FMNL2: variants seen among roughly 807,000 people sequenced by gnomAD.
FMNL2 encodes the protein formin like 2, also known as formin-like protein 2.
In FMNL2, 51 loss-of-function variants were observed where a neutral mutation model predicts 130.2. The ratio of observed to expected loss-of-function variants is 0.39; its 90% CI spans 0.31 to 0.49. The LOEUF (loss-of-function observed/expected upper bound fraction) is 0.49. Among genes scored for constraint, FMNL2 ranks in the 20% least tolerant of loss-of-function variants. The pLI is 0.85. For missense variants in FMNL2, 977 were observed against 1,316.2 expected, an observed-to-expected ratio of 0.74 and a Z score of 3.99; for synonymous variants, 465 against 467.1, an observed-to-expected ratio of 1.00 and a Z score of 0.06.
intron 1 of FMNL2, among the ~76,000 whole-genome samples, chr2:152,364,020 G>GTTTTA (rs1683341319): frequency 6.6e-6 from 1 of 152,148 alleles, no homozygotes; most frequent in Admixed American, 6.5e-5. Context: ...ACTGAGTTTT[G>GTTTTA]TTTTATTTGC....
At chr2:152,574,989 A>C (rs529672865) in intron 6 of FMNL2, 147 bp from the exon 7 acceptor site, 2 of 554,490 alleles carry the variant, frequency 3.6e-6, no homozygotes, top group African/African-American at 3.8e-5. Context: ...TTAGAGGTTG[A>C]AATCAATCTT....
intron 6 of FMNL2, among the ~76,000 whole-genome samples, chr2:152,564,691 C>T (rs528062449): frequency 6.6e-5 from 10 of 151,300 alleles, no homozygotes; most frequent in African/African-American, 2.4e-4. Context: ...TGAGATCATG[C>T]CACTGCACTC....
intron 1 of FMNL2, among the ~76,000 whole-genome samples, chr2:152,520,663 C>G (rs1693040458): frequency 6.6e-6 from 1 of 151,606 alleles, no homozygotes; most frequent in African/African-American, 2.4e-5. Context: ...GGATTAGACT[C>G]AAATAGGTGG....
chr2:152,400,252 C>T (rs926583954), intron 1 of FMNL2, among the ~76,000 whole-genome samples: 9 of 151,936 alleles, frequency 5.9e-5, no homozygotes, highest in African/African-American at 1.2e-4. Context: ...GCCAACATGG[C>T]GAAACTCCGT....
intron 21 of FMNL2, among the ~76,000 whole-genome samples, chr2:152,633,410 T>G (rs934979241): frequency 6.6e-6 from 1 of 152,188 alleles, no homozygotes; most frequent in Non-Finnish European, 1.5e-5. Flanking sequence ...TGTGCACTTC[T>G]TAAGGGTATA....
chr2:152,349,028 G>A (rs1399659677), intron 1 of FMNL2, among the ~76,000 whole-genome samples: 1 of 130,898 alleles, frequency 7.6e-6, no homozygotes, highest in East Asian at 2.0e-4. Context: ...GTAGAGACGG[G>A]GTTTCACCTT....
chr2:152,510,827 G>T lies in FMNL2; in HGVS notation c.118-11116G>T, dbSNP rs72864970. Among the ~76,000 whole-genome samples the T allele has an allele frequency of 2.7e-3, 412 of 152,304 alleles. 1 individual carries two copies. The highest frequency in any genetic ancestry group is 5.0e-3 in the Non-Finnish European group (337 of 68,028). On this transcript the variant is annotated intron_variant, in intron 1 of 25. Transcript: ENST00000288670. ...TTTCCTGCCTATCTTGGCTGGGCTT[G>T]TCTGGAGAGACACTGTGGGTTTCTG... is the stretch of plus-strand genomic sequence containing the variant.
Position 152,644,743 on chromosome 2 carries a change from A to G in FMNL2, c.3170-3053A>G, listed in dbSNP as rs574988352. ...AGGCTATTTCTTCTGTGATCAGATC[A>G]TATCTTGACCTGCTTCTTTGGTCAG... On this transcript the variant is annotated intron_variant, in intron 25 of 25. Transcript: ENST00000288670. 2.0e-5 allele frequency among the ~76,000 whole-genome samples: 3 copies of G among 152,314 alleles called. No individual in the cohort carries two copies. The East Asian group carries it at 5.8e-4, about 29-fold the overall frequency.
chr2:152,425,782 A>G (rs1687169910), intron 1 of FMNL2, among the ~76,000 whole-genome samples: 1 of 152,216 alleles, frequency 6.6e-6, no homozygotes, highest in Admixed American at 6.5e-5. Context: ...AATTGAAGTC[A>G]AGGTGTAATG....
rs1286725518 is a variant in FMNL2 at position 152,640,778 on chromosome 2, T to C, written c.3046-13T>C. The C allele has an allele frequency of 6.2e-7, 1 of 1,611,684 alleles. No individual in the cohort carries two copies. Among genetic ancestry groups the C allele is most frequent in the African/African-American group, 1.3e-5 (1 of 74,886 alleles). ...TGCTGGCCTCACTAATCTCTGCCCT[T>C]CTTTCTTCTCAGTCTCCTTCTCATA... On this transcript the variant is annotated splice_polypyrimidine_tract_variant and intron_variant, in intron 24 of 25. Coordinates refer to ENST00000288670, the MANE Select transcript of FMNL2 (RefSeq NM_052905.4).
At chr2:152,445,923 T>C (rs577974172) in intron 1 of FMNL2, among the ~76,000 whole-genome samples, 1 of 152,332 alleles carries the variant, frequency 6.6e-6, no homozygotes, top group Admixed American at 6.5e-5. Flanking sequence ...GCTTCTTTTT[T>C]CCAAAAACAT....
chr2:152,619,013 G>T lies in FMNL2; in HGVS notation c.1482G>T (p.Leu494=). ...AAGGGGATGGGGATATCGCCATACT[G>T]CCAGTTGTGGCTTCTGGCACATTGT... ...QKKGDGDIAI[L]PVVASGTLSM... Residue 494 remains leucine, a synonymous_variant, in exon 14 of 26, where the codon CTG becomes CTT. Coordinates refer to ENST00000288670, the MANE Select transcript of FMNL2 (RefSeq NM_052905.4). 6.2e-7 allele frequency: 1 copy of T among 1,614,058 alleles called. No homozygotes were observed. Among genetic ancestry groups the T allele is most frequent in the Non-Finnish European group, 8.5e-7 (1 of 1,179,900 alleles).
At chr2:152,445,995 T>C (rs549558738) in intron 1 of FMNL2, among the ~76,000 whole-genome samples, 75 of 152,204 alleles carry the variant, frequency 4.9e-4, no homozygotes, top group Admixed American at 2.4e-3. Context: ...GCTGAAACAT[T>C]GGACTACTGG....
At chr2:152,347,022 C>T (rs13029234) in intron 1 of FMNL2, among the ~76,000 whole-genome samples, 8,389 of 151,462 alleles carry the variant, frequency 0.055, 515 homozygotes, top group Admixed American at 0.2. Context: ...ACCTGGGAAG[C>T]GGAGGTTGCA....
rs1248934413 is a variant in FMNL2, at chr2:152,492,610, T to G, written c.118-29333T>G. ...GCGTGGAACCAGATTCTTCTTTTCC[T>G]TATCTTTCATAATTTTCCATGTTTG... On this transcript the variant is annotated intron_variant, in intron 1 of 25. Transcript: ENST00000288670. Among the ~76,000 whole-genome samples, 4 of 152,214 alleles carry G rather than the reference T, an allele frequency of 2.6e-5. No individual in the cohort carries two copies. The East Asian group carries it at 7.7e-4, about 29-fold the overall frequency.
chr2:152,590,004 T>C (rs113796271), intron 9 of FMNL2, among the ~76,000 whole-genome samples: 28 of 140,424 alleles, frequency 2.0e-4, no homozygotes, highest in South Asian at 4.4e-4. Flanking sequence ...TATGTATATA[T>C]ATATACATAT....
At chr2:152,347,663 A>T (rs548458174) in intron 1 of FMNL2, among the ~76,000 whole-genome samples, 1 of 152,296 alleles carries the variant, frequency 6.6e-6, no homozygotes, top group South Asian at 2.1e-4. Context: ...AGCTTTTGTT[A>T]TCTTTCTTGA....
In FMNL2 at chr2:152,489,555, A is replaced by G. The variant is rs568745865; in HGVS notation, c.118-32388A>G. Among the ~76,000 whole-genome samples, 181 of 152,308 alleles carry G rather than the reference A, an allele frequency of 1.2e-3. 5 individuals are homozygous for G. Among genetic ancestry groups the G allele is most frequent in the Non-Finnish European group, 1.2e-3 (82 of 68,038 alleles). On this transcript the variant is annotated intron_variant, in intron 1 of 25. Transcript: ENST00000288670. ...AGGAGCAAGATTAACAGAACAGCTG[A>G]CCTAGAGCTGCTAGGCACTGGATGG...
At chr2:152,438,078 A>G (rs979833991) in intron 1 of FMNL2, among the ~76,000 whole-genome samples, 1 of 152,264 alleles carries the variant, frequency 6.6e-6, no homozygotes, top group African/African-American at 2.4e-5. Context: ...TCTTATTCCA[A>G]AATGATGAGG....
Sources: allele counts gnomAD v4.1 joint callset (sites outside exome capture counted in the v4.1 genomes callset), GRCh38; gene constraint gnomAD v4.1.1; transcripts MANE v1.5; gene names NCBI Gene and HGNC (gene_info 2026-07-23, HGNC 2026-07-21).